The following COL4A2 variants were observed in gnomAD, a reference collection of about 807,000 sequenced individuals.
COL4A2 encodes collagen alpha-2(IV) chain.
A neutral mutation model predicts 200.2 loss-of-function variants in COL4A2; 99 were observed. That is an observed-to-expected ratio of 0.49 (90% CI 0.42 to 0.58). COL4A2 has a LOEUF of 0.58. Ranked by LOEUF, COL4A2 falls within the 20% of genes least tolerant of loss-of-function variation. The pLI, the probability that COL4A2 is intolerant of heterozygous loss-of-function variation, is 0.00. For missense variants in COL4A2, 1,950 were observed against 2,314.1 expected (o/e 0.84, Z 3.23); for synonymous variants, 897 against 900.6 (o/e 1.00, Z 0.07).
In COL4A2 at chr13:110,439,529, C is replaced by G. The variant is rs534524876; in HGVS notation, c.913-260C>G. On this transcript the variant is annotated intron_variant, in intron 15 of 47. Transcript: ENST00000360467. ...AGCAGCTTTGAGATTAGGATGGATT[C>G]TGCTTTCTTCGAGCCTTTTTATCAT... Among the ~76,000 whole-genome samples, 9 of 152,310 alleles carry G rather than the reference C, an allele frequency of 5.9e-5. No individual in the cohort carries two copies. The East Asian group carries it at 1.7e-3, about 29-fold the overall frequency.
At position 110,438,045 on chromosome 13, in the gene COL4A2, G is replaced by T. The variant is rs563790171; in HGVS notation, c.861+8G>T. ...GGGGAACCAGGAATAAGAGTAAGTC[G>T]AGTAATGAGCATGCCCCCTCCCCTG... On this transcript the variant is annotated splice_region_variant and intron_variant, in intron 14 of 47. Coordinates refer to ENST00000360467, the MANE Select transcript of COL4A2 (RefSeq NM_001846.4). The T allele has an allele frequency of 2.5e-6, 4 of 1,612,622 alleles. No individual in the cohort carries two copies. The Admixed American group carries it at 6.7e-5, about 27-fold the overall frequency.
chr13:110,438,060 C>T, intron 14 of COL4A2, 23 bp downstream of exon 14: 1 of 1,609,224 alleles, frequency 6.2e-7, no homozygotes, highest in Non-Finnish European at 8.5e-7. Flanking sequence ...ATGAGCATGC[C>T]CCCTCCCCTG....
rs552382779 is a variant in COL4A2 at position 110,407,252 on chromosome 13, C to G, written c.181-17482C>G. On this transcript the variant is annotated intron_variant, in intron 4 of 47. Coordinates refer to ENST00000360467, the MANE Select transcript of COL4A2 (RefSeq NM_001846.4). Reference sequence around the variant, plus strand: ...GAGAGTCCAACCCTGCAGGAAACGGCTTGGAGAAGCTCCCGCCTGGGACAC... The same window carrying G: ...GAGAGTCCAACCCTGCAGGAAACGGGTTGGAGAAGCTCCCGCCTGGGACAC... 6.6e-5 allele frequency among the ~76,000 whole-genome samples: 10 copies of G among 152,330 alleles called. No homozygotes were observed. The South Asian group carries it at 2.1e-3, about 32-fold the overall frequency.
At chr13:110,497,210 C>T (rs1176580256) in intron 40 of COL4A2, among the ~76,000 whole-genome samples, 1 of 151,796 alleles carries the variant, frequency 6.6e-6, no homozygotes, top group African/African-American at 2.4e-5. Context: ...AAGGTGACTC[C>T]ACCAGCACAA....
chr13:110,468,332 C>G (rs1161494751), intron 27 of COL4A2: 1 of 462,510 alleles, frequency 2.2e-6, no homozygotes, highest in Admixed American at 2.4e-5. Context: ...TAATTCCATC[C>G]ATGGATTTCA....
At chr13:110,365,967 A>T (rs1040418844) in intron 4 of COL4A2, among the ~76,000 whole-genome samples, 6 of 152,058 alleles carry the variant, frequency 3.9e-5, no homozygotes, top group African/African-American at 1.4e-4. Flanking sequence ...CCTCACACAG[A>T]CTCCACAGAA....
intron 3 of COL4A2, among the ~76,000 whole-genome samples, chr13:110,324,727 G>A (rs1885361637): frequency 6.6e-6 from 1 of 152,204 alleles, no homozygotes; most frequent in Non-Finnish European, 1.5e-5. Flanking sequence ...GGCTCTTCTG[G>A]CCTCGGGATT....
intron 12 of COL4A2, 82 bp downstream of exon 12, chr13:110,434,524 G>A (rs1448059094): frequency 6.9e-7 from 1 of 1,443,214 alleles, no homozygotes; most frequent in Non-Finnish European, 9.6e-7. Flanking sequence ...ACTAAGTTCT[G>A]TGCTGTAAAA....
chr13:110,489,399 C>G, intron 34 of COL4A2, 46 bp from the exon 35 acceptor site: 2 of 1,582,744 alleles, frequency 1.3e-6, no homozygotes, highest in Non-Finnish European at 1.7e-6. Flanking sequence ...AGAGTTACAA[C>G]TGACTTCGCT....
intron 27 of COL4A2, chr13:110,468,144 T>A: frequency 2.1e-6 from 1 of 471,106 alleles, no homozygotes; most frequent in South Asian, 1.5e-5. Flanking sequence ...GACGGACACA[T>A]TCTATGTGCC....
At position 110,325,933 on chromosome 13, in the gene COL4A2, G is replaced by A. The variant is rs184900672; in HGVS notation, c.99+17810G>A. Among the ~76,000 whole-genome samples, 696 of 152,158 alleles carry A rather than the reference G, an allele frequency of 4.6e-3. 4 individuals carry two copies. The highest frequency in any genetic ancestry group is 0.016 in the African/African-American group (645 of 41,488). ...CAAGTAGCTGGGACTACAGGCGTGC[G>A]TCACCAGGCCGGGCTAATTTTTTGG... On this transcript the variant is annotated intron_variant, in intron 3 of 47. Coordinates refer to ENST00000360467, the MANE Select transcript of COL4A2 (RefSeq NM_001846.4).
chr13:110,329,457 C>T (rs978734019), intron 3 of COL4A2, among the ~76,000 whole-genome samples: 1 of 152,216 alleles, frequency 6.6e-6, no homozygotes, highest in African/African-American at 2.4e-5. Context: ...TACCACAGAG[C>T]ATTCCCACCC....
intron 4 of COL4A2, among the ~76,000 whole-genome samples, chr13:110,396,521 G>A (rs58303641): frequency 0.025 from 3,767 of 152,296 alleles, 67 homozygotes; most frequent in Middle Eastern, 0.058. Flanking sequence ...GAAAGCTCCA[G>A]GAGTGGTAGA....
intron 4 of COL4A2, among the ~76,000 whole-genome samples, chr13:110,402,335 A>G (rs9521742): frequency 0.59 from 89,313 of 152,098 alleles, 26,821 homozygotes; most frequent in Non-Finnish European, 0.66. Flanking sequence ...TCTAAAAGGG[A>G]GAAACAGGAA....
intron 13 of COL4A2, among the ~76,000 whole-genome samples, chr13:110,436,958 T>C (rs1049491291): frequency 2.6e-5 from 4 of 152,098 alleles, no homozygotes; most frequent in African/African-American, 9.7e-5. Flanking sequence ...CCCTGTCAAA[T>C]GGGGATGGCG....
At chr13:110,474,068 A>G (rs561992094) in intron 29 of COL4A2, among the ~76,000 whole-genome samples, 3 of 152,288 alleles carry the variant, frequency 2.0e-5, no homozygotes, top group Non-Finnish European at 2.9e-5. Context: ...TGTAGATTGC[A>G]GTGAGCTATG....
At chr13:110,350,535 CA>C (rs1277660536) in intron 3 of COL4A2, among the ~76,000 whole-genome samples, 1 of 152,232 alleles carries the variant, frequency 6.6e-6, no homozygotes, top group Admixed American at 6.5e-5. Context: ...CTAGGACAGA[CA>C]TGCCAGGCAC....
At chr13:110,401,339 A>C (rs1879362780) in intron 4 of COL4A2, among the ~76,000 whole-genome samples, 1 of 152,244 alleles carries the variant, frequency 6.6e-6, no homozygotes, top group Admixed American at 6.5e-5. Flanking sequence ...TTCAAAATGA[A>C]GAAGAGTAGT....
intron 26 of COL4A2, among the ~76,000 whole-genome samples, 165 bp downstream of exon 26, chr13:110,466,227 A>C (rs1927351): frequency 6.6e-6 from 1 of 152,126 alleles, no homozygotes; most frequent in Non-Finnish European, 1.5e-5. Flanking sequence ...TATACATTGC[A>C]TGAATGACAA....
Sources: allele counts gnomAD v4.1 joint callset (sites outside exome capture counted in the v4.1 genomes callset), GRCh38; gene constraint gnomAD v4.1.1; transcripts MANE v1.5; gene names NCBI Gene and HGNC (gene_info 2026-07-23, HGNC 2026-07-21).